The following TMEM132C variants were observed in gnomAD, a reference collection of about 807,000 sequenced individuals.
The protein encoded by TMEM132C is transmembrane protein 132C.
In TMEM132C, 29 loss-of-function variants were observed where a neutral mutation model predicts 61.4. The ratio of observed to expected loss-of-function variants is 0.47; its 90% CI spans 0.35 to 0.64. TMEM132C has a LOEUF of 0.64. TMEM132C is among the 30% of genes least tolerant of loss of function. The pLI is 0.00. For synonymous variants in TMEM132C, 656 were observed against 633.1 expected (o/e 1.04, Z -0.54); for missense variants, 1,408 against 1,476.9 (o/e 0.95, Z 0.76).
At chr12:128,356,601 T>G (rs1740825897) in intron 1 of TMEM132C, among the ~76,000 whole-genome samples, 1 of 152,230 alleles carries the variant, frequency 6.6e-6, no homozygotes, top group Non-Finnish European at 1.5e-5. Context: ...GCATGTTAAG[T>G]AGGTTCAGCA....
chr12:128,531,634 T>G (rs1873309834), intron 2 of TMEM132C, among the ~76,000 whole-genome samples: 1 of 152,246 alleles, frequency 6.6e-6, no homozygotes, highest in Non-Finnish European at 1.5e-5. Flanking sequence ...TACACATGAC[T>G]TCTCTTAGGA....
At chr12:128,419,438 A>G (rs917263251) in intron 2 of TMEM132C, among the ~76,000 whole-genome samples, 1 of 152,218 alleles carries the variant, frequency 6.6e-6, no homozygotes, top group African/African-American at 2.4e-5. Flanking sequence ...GTACAATGCT[A>G]GACACTAAGC....
chr12:128,613,873 G>T (rs1360958941), intron 3 of TMEM132C, among the ~76,000 whole-genome samples: 1 of 152,230 alleles, frequency 6.6e-6, no homozygotes, highest in African/African-American at 2.4e-5. Context: ...CTTCATGTTG[G>T]CACATGCTTG....
At chr12:128,629,328 A>G (rs1454083854) in intron 4 of TMEM132C, among the ~76,000 whole-genome samples, 1 of 152,134 alleles carries the variant, frequency 6.6e-6, no homozygotes, top group Non-Finnish European at 1.5e-5. Context: ...CAGCCTGGGC[A>G]ATATAGTGAG....
intron 1 of TMEM132C, chr12:128,400,185 G>A (rs561759275): frequency 6.6e-5 from 10 of 152,434 alleles, no homozygotes; most frequent in Non-Finnish European, 1.5e-4. Flanking sequence ...GGCAAGGTGA[G>A]ATCCAGGCGA....
At chr12:128,311,715 G>A (rs974506596) in intron 1 of TMEM132C, among the ~76,000 whole-genome samples, 2 of 152,184 alleles carry the variant, frequency 1.3e-5, no homozygotes, top group East Asian at 3.9e-4. Context: ...TCCGCAAATG[G>A]CGACTCACTT....
chr12:128,331,390 C>G (rs1022405259), intron 1 of TMEM132C, among the ~76,000 whole-genome samples: 1 of 152,182 alleles, frequency 6.6e-6, no homozygotes, highest in Non-Finnish European at 1.5e-5. Context: ...ATCCAACATG[C>G]GAATAATGTA....
intron 3 of TMEM132C, among the ~76,000 whole-genome samples, chr12:128,585,456 CAG>C (rs1469153796): frequency 4.6e-5 from 7 of 152,018 alleles, no homozygotes; most frequent in African/African-American, 1.7e-4. Flanking sequence ...TCTGCAGTGA[CAG>C]ATGTTAAATG....
chr12:128,345,786 G>A (rs1463618505), intron 1 of TMEM132C, among the ~76,000 whole-genome samples: 1 of 151,498 alleles, frequency 6.6e-6, no homozygotes, highest in Non-Finnish European at 1.5e-5. Context: ...TTGTAAATTT[G>A]TTTAAGTTCA....
chr12:128,705,222 T>A lies in TMEM132C; in HGVS notation c.2254T>A (p.Ser752Thr). The change falls in exon 9 of 9, where the codon TCT becomes ACT. Residue 752 changes from serine (S) to threonine (T), a missense_variant. Physicochemically the swap from Ser to Thr is moderately conservative, Grantham distance 58 (BLOSUM62 1). Transcript: ENST00000435159. Reference sequence around the variant, plus strand: ...TGTCGTGTCAGTCCCCCAGCCCCGCTCTCCCAGGTGGCCCGTTGTGGTGGC... The same window carrying A: ...TGTCGTGTCAGTCCCCCAGCCCCGCACTCCCAGGTGGCCCGTTGTGGTGGC... Reference protein sequence around the residue: ...EAVVSVPQPRSPRWPVVVAEG... With the variant: ...EAVVSVPQPRTPRWPVVVAEG... The A allele has an allele frequency of 6.4e-7, 1 of 1,551,558 alleles. No homozygotes were observed. Among genetic ancestry groups the A allele is most frequent in the Non-Finnish European group, 8.7e-7 (1 of 1,146,980 alleles).
Position 128,530,223 on chromosome 12 carries a change from G to A in TMEM132C, c.975-13734G>A, listed in dbSNP as rs185897279. Among the ~76,000 whole-genome samples, 546 of 152,232 alleles carry A rather than the reference G, an allele frequency of 3.6e-3. 7 individuals are homozygous for A. The highest frequency in any genetic ancestry group is 0.032 in the Admixed American group (494 of 15,290). On this transcript the variant is annotated intron_variant, in intron 2 of 8. Coordinates refer to ENST00000435159, the MANE Select transcript of TMEM132C (RefSeq NM_001136103.3). ...AGCGGTAATTGCCATGCAAGATGCC[G>A]GGGACAGTTTTCTATGTAGATCAGC...
intron 3 of TMEM132C, among the ~76,000 whole-genome samples, chr12:128,604,746 A>C (rs1373473882): frequency 6.6e-6 from 1 of 152,054 alleles, no homozygotes; most frequent in African/African-American, 2.4e-5. Context: ...TAATGGATGG[A>C]GGGATAGATA....
At chr12:128,440,234 A>G (rs1869737652) in intron 2 of TMEM132C, among the ~76,000 whole-genome samples, 1 of 152,206 alleles carries the variant, frequency 6.6e-6, no homozygotes, top group Non-Finnish European at 1.5e-5. Flanking sequence ...TCAGTCTAGC[A>G]ATTGTGTTTT....
intron 1 of TMEM132C, among the ~76,000 whole-genome samples, chr12:128,379,166 C>G (rs1874321773): frequency 6.6e-6 from 1 of 152,226 alleles, no homozygotes; most frequent in Non-Finnish European, 1.5e-5. Context: ...CCTGCATCCC[C>G]TACCATGCAT....
intron 1 of TMEM132C, among the ~76,000 whole-genome samples, chr12:128,373,867 G>C (rs1359910559): frequency 6.6e-6 from 1 of 152,220 alleles, no homozygotes; most frequent in East Asian, 1.9e-4. Flanking sequence ...GGCAAGGCCA[G>C]AGATGGCCTT....
At position 128,544,085 on chromosome 12, in the gene TMEM132C, G is replaced by A; in HGVS notation, c.1103G>A (p.Gly368Glu). 3.2e-6 allele frequency: 5 copies of A among 1,539,880 alleles called. No individual in the cohort carries two copies. Among genetic ancestry groups the A allele is most frequent in the Non-Finnish European group, 4.4e-6 (5 of 1,141,488 alleles). Residue 368 changes from glycine (G) to glutamate (E), a missense_variant, in exon 3 of 9, where the codon GGG becomes GAG. Physicochemically the swap from Gly to Glu is moderately conservative, Grantham distance 98 (BLOSUM62 -2). Coordinates refer to ENST00000435159, the MANE Select transcript of TMEM132C (RefSeq NM_001136103.3). ...GCCACCGTGGCCTGCCAGCGCCTGGGGCCCAGCCCACGCAACAGGTAAGCG... is the reference window on the plus strand; with the variant it reads ...GCCACCGTGGCCTGCCAGCGCCTGGAGCCCAGCCCACGCAACAGGTAAGCG... ...VTATVACQRL[G>E]PSPRNRSSSL... is the part of the protein sequence containing the mutation.
chr12:128,658,716 A>T (rs1221324717), intron 4 of TMEM132C, among the ~76,000 whole-genome samples: 1 of 152,194 alleles, frequency 6.6e-6, no homozygotes, highest in Non-Finnish European at 1.5e-5. Context: ...ATGATCAACC[A>T]CTTATAAAGT....
chr12:128,366,619 C>G (rs531251105), intron 1 of TMEM132C, among the ~76,000 whole-genome samples: 1 of 152,294 alleles, frequency 6.6e-6, no homozygotes, highest in Non-Finnish European at 1.5e-5. Context: ...GTGCCCCAGC[C>G]TCACACAGGC....
intron 1 of TMEM132C, among the ~76,000 whole-genome samples, chr12:128,290,886 A>G (rs912793444): frequency 1.3e-5 from 2 of 151,968 alleles, no homozygotes; most frequent in Admixed American, 6.5e-5. Flanking sequence ...TCCCAATTTC[A>G]TAATAGAAAT....
Sources: allele counts gnomAD v4.1 joint callset (sites outside exome capture counted in the v4.1 genomes callset), GRCh38; gene constraint gnomAD v4.1.1; transcripts MANE v1.5; gene names NCBI Gene and HGNC (gene_info 2026-07-23, HGNC 2026-07-21).